PCSK2: variants seen among roughly 807,000 people sequenced by gnomAD.
PCSK2 encodes the protein neuroendocrine convertase 2.
A neutral mutation model predicts 69.7 loss-of-function variants in PCSK2; 14 were observed. The observed-to-expected ratio is 0.20, with a 90% CI of 0.13 to 0.31. The LOEUF (loss-of-function observed/expected upper bound fraction) is 0.31. PCSK2 is among the 10% of genes least tolerant of loss of function. PCSK2 has a pLI of 1.00. For missense variants in PCSK2, 544 were observed against 842.5 expected, an observed-to-expected ratio of 0.65 and a Z score of 4.39; for synonymous variants, 307 against 320.7, an observed-to-expected ratio of 0.96 and a Z score of 0.46.
At chr20:17,415,567 G>T (rs2031980512) in intron 6 of PCSK2, among the ~76,000 whole-genome samples, 1 of 152,176 alleles carries the variant, frequency 6.6e-6, no homozygotes, top group East Asian at 1.9e-4. Flanking sequence ...CCATGCTCAT[G>T]GATAGGAAGA....
intron 11 of PCSK2, among the ~76,000 whole-genome samples, 186 bp from the exon 12 acceptor site, chr20:17,481,388 CAAAAAAAAAA>C (rs3076146): frequency 4.4e-4 from 29 of 65,724 alleles, no homozygotes; most frequent in Admixed American, 2.2e-3. Flanking sequence ...TCTCAAAAGA[CAAAAAAAAAA>C]AAAAAAAAAA....
At position 17,227,218 on chromosome 20, in the gene PCSK2, A is replaced by C; in HGVS notation, c.-88A>C. The C allele has an allele frequency of 1.2e-6, 1 of 866,846 alleles. No individual in the cohort carries two copies. Among genetic ancestry groups the C allele is most frequent in the Non-Finnish European group, 1.9e-6 (1 of 534,814 alleles). The allele number at this position is 866,846 out of a possible 1,614,324, so 53.7% of individuals were successfully genotyped here. ...AAAGATTTTTTTAAAAACTATATATAAGAATTCTTTATTTGCACCCTCCCT... is the reference window on the plus strand; with the variant it reads ...AAAGATTTTTTTAAAAACTATATATCAGAATTCTTTATTTGCACCCTCCCT... On this transcript the variant is annotated 5_prime_UTR_variant, in exon 1 of 12. Transcript: ENST00000262545.
intron 8 of PCSK2, among the ~76,000 whole-genome samples, chr20:17,445,216 A>G (rs1157954648): frequency 6.6e-6 from 1 of 152,186 alleles, no homozygotes; most frequent in Non-Finnish European, 1.5e-5. Context: ...TTTTGCTCTG[A>G]CAACCAGAAG....
chr20:17,436,124 TA>T (rs1568649042), intron 7 of PCSK2, among the ~76,000 whole-genome samples: 1 of 152,208 alleles, frequency 6.6e-6, no homozygotes, highest in African/African-American at 2.4e-5. Flanking sequence ...ACAGAATTAC[TA>T]ATACAGTTTA....
At chr20:17,252,213 G>C (rs891119494) in intron 1 of PCSK2, among the ~76,000 whole-genome samples, 2 of 151,984 alleles carry the variant, frequency 1.3e-5, no homozygotes, top group African/African-American at 2.4e-5. Flanking sequence ...TATGGGGAGT[G>C]TTTAAAAAAA....
intron 2 of PCSK2, among the ~76,000 whole-genome samples, chr20:17,326,998 T>C (rs1990075081): frequency 6.6e-6 from 1 of 152,202 alleles, no homozygotes; most frequent in African/African-American, 2.4e-5. Flanking sequence ...ATATCTGTAG[T>C]CTTCTCATCC....
chr20:17,385,626 C>T (rs2031214253), intron 5 of PCSK2, among the ~76,000 whole-genome samples: 1 of 152,164 alleles, frequency 6.6e-6, no homozygotes, highest in African/African-American at 2.4e-5. Context: ...AAGAGTTTTG[C>T]ATTCATTTAC....
At chr20:17,451,586 T>C (rs2032823174) in intron 8 of PCSK2, among the ~76,000 whole-genome samples, 1 of 152,160 alleles carries the variant, frequency 6.6e-6, no homozygotes, top group Non-Finnish European at 1.5e-5. Context: ...TGATACAGAA[T>C]CACTTTCCCC....
intron 2 of PCSK2, among the ~76,000 whole-genome samples, chr20:17,315,009 C>T (rs532353020): frequency 1.3e-5 from 2 of 152,294 alleles, no homozygotes; most frequent in African/African-American, 4.8e-5. Flanking sequence ...CTGAAAAAGG[C>T]TTTTCAATTC....
At chr20:17,331,452 A>C (rs1273355436) in intron 2 of PCSK2, among the ~76,000 whole-genome samples, 2 of 152,186 alleles carry the variant, frequency 1.3e-5, no homozygotes, top group Non-Finnish European at 1.5e-5. Flanking sequence ...TTCCATTCTC[A>C]GCTGCAATCC....
intron 2 of PCSK2, among the ~76,000 whole-genome samples, chr20:17,289,096 G>A (rs1186414924): frequency 6.6e-6 from 1 of 152,200 alleles, no homozygotes; most frequent in African/African-American, 2.4e-5. Context: ...CAAGGTCCCA[G>A]ATGGTGCTGA....
intron 5 of PCSK2, among the ~76,000 whole-genome samples, chr20:17,398,497 C>G (rs1254646818): frequency 7.7e-6 from 1 of 130,550 alleles, no homozygotes; most frequent in Non-Finnish European, 1.5e-5. Context: ...GCATTCTAGC[C>G]TGGGTTACAG....
At chr20:17,405,518 T>C (rs901885401) in intron 5 of PCSK2, among the ~76,000 whole-genome samples, 9 of 152,188 alleles carry the variant, frequency 5.9e-5, no homozygotes, top group Non-Finnish European at 8.8e-5. Flanking sequence ...CCGAAAGGTG[T>C]CATCTGTGGG....
chr20:17,227,267 T>C lies in PCSK2; in HGVS notation c.-39T>C, dbSNP rs753953008. The C allele has an allele frequency of 6.4e-7, 1 of 1,556,788 alleles. No homozygotes were observed. Reference sequence around the variant, plus strand: ...CTCCGAGTCCCCTGCTCCGCCAGCCTGCGCGCCTCCTAGCACCACTTTTCA... The same window carrying C: ...CTCCGAGTCCCCTGCTCCGCCAGCCCGCGCGCCTCCTAGCACCACTTTTCA... On this transcript the variant is annotated 5_prime_UTR_variant, in exon 1 of 12. Coordinates refer to ENST00000262545, the MANE Select transcript of PCSK2 (RefSeq NM_002594.5).
rs11469177 is a variant in PCSK2 at position 17,347,934 on chromosome 20, GAGAAAGAAAGAA to G, written c.283-10377_283-10366del. ...AAAGAAAGAAAGGAGAGAGAAAAAAGAGAAAGAAAGAAAGAAAGAAAGAAAGAGAAAGAAAGA... is the reference window on the plus strand; with the variant it reads ...AAAGAAAGAAAGGAGAGAGAAAAAAGAGAAAGAAAGAAAGAGAAAGAAAGA... On this transcript the variant is annotated intron_variant, in intron 2 of 11. Transcript: ENST00000262545. Among the ~76,000 whole-genome samples the G allele has an allele frequency of 4.0e-4, 20 of 49,410 alleles. 1 individual carries two copies. Among genetic ancestry groups the G allele is most frequent in the Non-Finnish European group, 5.5e-4 (14 of 25,266 alleles). 32.4% of individuals were successfully genotyped at this position (49,410 alleles called of 152,430 possible).
chr20:17,320,692 T>C (rs955539102), intron 2 of PCSK2, among the ~76,000 whole-genome samples: 1 of 152,204 alleles, frequency 6.6e-6, no homozygotes, highest in African/African-American at 2.4e-5. Context: ...CAGAGACCGC[T>C]GGAGGGTGCT....
At position 17,483,759 on chromosome 20, in the gene PCSK2, T is replaced by A. The variant is rs2033451178; in HGVS notation, c.*1689T>A. 1 of 152,644 alleles carries A rather than the reference T, an allele frequency of 6.6e-6. No homozygotes were observed. Among genetic ancestry groups the A allele is most frequent in the Non-Finnish European group, 1.5e-5 (1 of 68,052 alleles). The allele number at this position is 152,644 out of a possible 1,614,324, so 9.5% of individuals were successfully genotyped here. On this transcript the variant is annotated 3_prime_UTR_variant, in exon 12 of 12. Coordinates refer to ENST00000262545, the MANE Select transcript of PCSK2 (RefSeq NM_002594.5). ...AATATGATTTTTTAAAAGAAATTTA[T>A]TACTTGTTGCAAAGGTCTTTTTAAA...
At chr20:17,304,914 G>A (rs1026050553) in intron 2 of PCSK2, among the ~76,000 whole-genome samples, 3 of 152,146 alleles carry the variant, frequency 2.0e-5, no homozygotes, top group Non-Finnish European at 4.4e-5. Context: ...GTTTTATTTT[G>A]TTTTGTTTCT....
chr20:17,309,457 C>A (rs1168580968), intron 2 of PCSK2, among the ~76,000 whole-genome samples: 2 of 152,132 alleles, frequency 1.3e-5, no homozygotes, highest in Non-Finnish European at 2.9e-5. Context: ...CTGCAGAGTA[C>A]TAAACCATAG....
Sources: allele counts gnomAD v4.1 joint callset (sites outside exome capture counted in the v4.1 genomes callset), GRCh38; gene constraint gnomAD v4.1.1; transcripts MANE v1.5; gene names NCBI Gene and HGNC (gene_info 2026-07-23, HGNC 2026-07-21).